NRL: variants seen among roughly 807,000 people sequenced by gnomAD.
The protein encoded by NRL is neural retina leucine zipper, also known as neural retina-specific leucine zipper protein.
A neutral mutation model predicts 12.5 loss-of-function variants in NRL; 16 were observed. That is an observed-to-expected ratio of 1.28 (90% CI 0.87 to 1.95). The LOEUF is 1.95. Ranked by LOEUF, NRL falls within the 30% of genes most tolerant of loss-of-function variation. The probability of loss-of-function intolerance (pLI) is 0.00; values close to 1 mark genes in which losing one functional copy is unlikely to be tolerated. For synonymous variants in NRL, 142 were observed against 150.9 expected (o/e 0.94, Z 0.43); for missense variants, 314 against 325.8 (o/e 0.96, Z 0.28).
rs113046985 is a variant in NRL at position 24,093,659 on chromosome 14, G to A, written c.-27-10784C>T. Among the ~76,000 whole-genome samples, 362 of 152,290 alleles carry A rather than the reference G, an allele frequency of 2.4e-3. 3 individuals carry two copies. The highest frequency in any genetic ancestry group is 8.4e-3 in the African/African-American group (351 of 41,550). On this transcript the variant is annotated intron_variant, in intron 1 of 2. Transcript: ENST00000561028. The stretch of plus-strand genomic sequence containing the variant: ...GCGCCACTGCACGCACTCCAGCCTG[G>A]GTGACAGAGTAAGACTCCGTCAGGG...
In NRL at chr14:24,094,733, C is replaced by G. The variant is rs1442994355; in HGVS notation, c.-27-11858G>C. 4.7e-6 allele frequency: 7 copies of G among 1,486,248 alleles called. No homozygotes were observed. In the South Asian group the frequency reaches 8.5e-5, roughly 18 times the overall value. The allele number at this position is 1,486,248 out of a possible 1,614,324, so 92.1% of individuals were successfully genotyped here. ...TCTCTCCTCGCTCCTCTCTGCTGAGCCAGGTCTCCGCATATCCTCCTTTCC... is the reference window on the plus strand; with the variant it reads ...TCTCTCCTCGCTCCTCTCTGCTGAGGCAGGTCTCCGCATATCCTCCTTTCC... On this transcript the variant is annotated intron_variant, in intron 1 of 2. Coordinates refer to ENST00000561028, the MANE Select transcript of NRL (RefSeq NM_001354768.3). The surrounding 1 kb of genome is among the most constrained non-coding windows in gnomAD (Gnocchi z 4.1).
rs896130232 is a variant in NRL at position 24,085,330 on chromosome 14, C to T, written c.-27-2455G>A. Among the ~76,000 whole-genome samples the T allele has an allele frequency of 1.3e-5, 2 of 152,170 alleles. No individual in the cohort carries two copies. Among genetic ancestry groups the T allele is most frequent in the Admixed American group, 6.5e-5 (1 of 15,280 alleles). ...CATTGAAATCTAATCACCACCAGTC[C>T]GTCGGAGACACTTTTGTAACTGGCC... On this transcript the variant is annotated intron_variant, in intron 1 of 2. Transcript: ENST00000561028. The surrounding 1 kb of genome is among the most constrained non-coding windows in gnomAD (Gnocchi z 4.1).
At position 24,082,346 on chromosome 14, in the gene NRL, C is replaced by T. The variant is rs1264974305; in HGVS notation, c.381+122G>A. The T allele has an allele frequency of 3.0e-5, 37 of 1,246,742 alleles. No homozygotes were observed. The East Asian group carries it at 5.1e-4, about 17-fold the overall frequency. The allele number at this position is 1,246,742 out of a possible 1,614,324, so 77.2% of individuals were successfully genotyped here. On this transcript the variant is annotated intron_variant, in intron 2 of 2. Coordinates refer to ENST00000561028, the MANE Select transcript of NRL (RefSeq NM_001354768.3). ...TGATTGCTTTCAAGGGACCTTCTCC[C>T]CTTCTCCTGCCCTCTGTCCCCTGTC...
chr14:24,109,555 G>A (rs978276840), intron 1 of NRL, among the ~76,000 whole-genome samples: 63 of 151,914 alleles, frequency 4.1e-4, no homozygotes, highest in Admixed American at 3.6e-3. Context: ...AAAATTAGCC[G>A]GGCATGGTGG....
chr14:24,095,367 G>A, intron 1 of NRL: 1 of 400,516 alleles, frequency 2.5e-6, no homozygotes, highest in Admixed American at 2.7e-5. Context: ...TCTGAGGCAG[G>A]AACAGACCCA....
At chr14:24,096,027 TGACCTTTGCTTG>T in intron 1 of NRL, among the ~76,000 whole-genome samples, 1 of 152,150 alleles carries the variant, frequency 6.6e-6, no homozygotes, top group Non-Finnish European at 1.5e-5. Context: ...GGAAAGACTG[TGACCTTTGCTTG>T]GGGCTTTCAT....
rs76932341 is a variant in NRL at position 24,085,553 on chromosome 14, C to A, written c.-27-2678G>T. The stretch of plus-strand genomic sequence containing the variant: ...GGAATTATCCAAGGAGATGTTTAAA[C>A]CTGTCCGAAGCTGTTTAAATAGGGT... On this transcript the variant is annotated intron_variant, in intron 1 of 2. Coordinates refer to ENST00000561028, the MANE Select transcript of NRL (RefSeq NM_001354768.3). The surrounding 1 kb of genome is among the most constrained non-coding windows in gnomAD (Gnocchi z 4.1). 2.3e-3 allele frequency among the ~76,000 whole-genome samples: 354 copies of A among 152,282 alleles called. 3 individuals carry two copies. Among genetic ancestry groups the A allele is most frequent in the African/African-American group, 8.3e-3 (344 of 41,534 alleles).
At chr14:24,100,035 G>C in intron 1 of NRL, 1 of 1,613,956 alleles carries the variant, frequency 6.2e-7, no homozygotes, top group African/African-American at 1.3e-5. Context: ...GCTTCTTTGG[G>C]GTTGCCCCTG....
At chr14:24,091,858 AG>A (rs1324256974) in intron 1 of NRL, among the ~76,000 whole-genome samples, 1 of 152,194 alleles carries the variant, frequency 6.6e-6, no homozygotes, top group Non-Finnish European at 1.5e-5. Flanking sequence ...AAAAAGCTTT[AG>A]AGCAGGAATG....
In NRL at chr14:24,081,842, C is replaced by T. The variant is rs778580269; in HGVS notation, c.382-274G>A. 5 of 1,403,640 alleles carry T rather than the reference C, an allele frequency of 3.6e-6. No individual in the cohort carries two copies. In the African/African-American group the frequency reaches 5.9e-5, roughly 17 times the overall value. 86.9% of individuals were successfully genotyped at this position (1,403,640 alleles called of 1,614,324 possible). A position where few individuals can be genotyped will look rare whatever the true frequency, so the allele number is the denominator to read the frequency against. On this transcript the variant is annotated intron_variant, in intron 2 of 2. Transcript: ENST00000561028. The surrounding 1 kb of genome is among the most constrained non-coding windows in gnomAD (Gnocchi z 4.4). ...AGGCGAGCCCGTCGCGCACCTAAAC[C>T]CCGGGCTCGTCTCTGGGATCCCCGG...
At position 24,079,295 on chromosome 14, in the gene NRL, T is replaced by C. The variant is rs1024499469; in HGVS notation, c.*1941A>G. Among the ~76,000 whole-genome samples the C allele has an allele frequency of 6.6e-6, 1 of 152,100 alleles. No homozygotes were observed. The highest frequency in any genetic ancestry group is 1.5e-5 in the Non-Finnish European group (1 of 68,026). ...AAAAGTAGTGGGTCTGAATTACAGC[T>C]CCAGGGCAGGCAAGGATAGACACAG... On this transcript the variant is annotated 3_prime_UTR_variant, in exon 3 of 3. Transcript: ENST00000561028.
intron 1 of NRL, among the ~76,000 whole-genome samples, chr14:24,088,439 G>A (rs1163383823): frequency 6.6e-6 from 1 of 152,238 alleles, no homozygotes; most frequent in Non-Finnish European, 1.5e-5. Flanking sequence ...GGTGTCAGGG[G>A]TAGGAGGCAA....
In NRL at chr14:24,081,666, GCCCCGGCTC is replaced by G. The variant is rs2036310866; in HGVS notation, c.382-107_382-99del. 87 of 1,530,178 alleles carry G rather than the reference GCCCCGGCTC, an allele frequency of 5.7e-5. 2 individuals are homozygous for G. The South Asian group carries it at 9.7e-4, about 17-fold the overall frequency. The allele number at this position is 1,530,178 out of a possible 1,614,324, so 94.8% of individuals were successfully genotyped here. On this transcript the variant is annotated intron_variant, in intron 2 of 2. Coordinates refer to ENST00000561028, the MANE Select transcript of NRL (RefSeq NM_001354768.3). This position sits in a 1 kb window ranked among gnomAD's most constrained non-coding sequence, Gnocchi z 4.4. ...CCTGGCTCCGCCCCGGGACAGCCCC[GCCCCGGCTC>G]CCACCTTCACCGGAAGGCTCGCCCT...
chr14:24,080,087 A>T lies in NRL; in HGVS notation c.*1149T>A, dbSNP rs1291723935. 6.6e-6 allele frequency: 1 copy of T among 152,242 alleles called. No homozygotes were observed. Among genetic ancestry groups the T allele is most frequent in the Non-Finnish European group, 1.5e-5 (1 of 68,062 alleles). The allele number at this position is 152,242 out of a possible 1,614,324, so 9.4% of individuals were successfully genotyped here. A position where few individuals can be genotyped will look rare whatever the true frequency, so the allele number is the denominator to read the frequency against. On this transcript the variant is annotated 3_prime_UTR_variant, in exon 3 of 3. Coordinates refer to ENST00000561028, the MANE Select transcript of NRL (RefSeq NM_001354768.3). Reference sequence around the variant, plus strand: ...CCCTCTCCCACACACAGACACACAAACAGTAGCCTGAAGCAGGGATAAAGA... The same window carrying T: ...CCCTCTCCCACACACAGACACACAATCAGTAGCCTGAAGCAGGGATAAAGA...
Position 24,082,878 on chromosome 14 carries a change from G to A in NRL, c.-27-3C>T, listed in dbSNP as rs1441659119. ...GAGCTGGGCTGGGAGGAGTGCACCT[G>A]CAAAGAGGAGGAGAGGTCTGGAGCA... On this transcript the variant is annotated splice_region_variant and splice_polypyrimidine_tract_variant and intron_variant, in intron 1 of 2. Transcript: ENST00000561028. 3 of 1,599,440 alleles carry A rather than the reference G, an allele frequency of 1.9e-6. No homozygotes were observed. The highest frequency in any genetic ancestry group is 2.6e-6 in the Non-Finnish European group (3 of 1,171,930).
intron 1 of NRL, chr14:24,099,908 CAG>C: frequency 1.2e-6 from 2 of 1,612,050 alleles, no homozygotes; most frequent in Non-Finnish European, 1.7e-6. Flanking sequence ...CATCTCAGGA[CAG>C]GGGTGGGTGG....
chr14:24,105,348 A>G lies in NRL; in HGVS notation c.-28+9374T>C, dbSNP rs2037320789. ...GTCATGGCCATCACAAACATGTCAC[A>G]GTGCTGCAGAGATTTTGCTTATGGC... On this transcript the variant is annotated intron_variant, in intron 1 of 2. Transcript: ENST00000561028. Among the ~76,000 whole-genome samples the G allele has an allele frequency of 5.3e-5, 8 of 152,240 alleles. No homozygotes were observed. In the South Asian group the frequency reaches 1.7e-3, roughly 32 times the overall value.
chr14:24,084,816 CT>C (rs1192014045), intron 1 of NRL: 1 of 649,792 alleles, frequency 1.5e-6, no homozygotes, highest in African/African-American at 2.0e-5. Context: ...AAGGGAGCAT[CT>C]TCCCCAACAA....
At position 24,081,497 on chromosome 14, in the gene NRL, G is replaced by A. The variant is rs1293079922; in HGVS notation, c.453C>T (p.Gly151=). Residue 151 remains glycine, a synonymous_variant, in exon 3 of 3, where the codon GGC becomes GGT. Coordinates refer to ENST00000561028, the MANE Select transcript of NRL (RefSeq NM_001354768.3). This position sits in a 1 kb window ranked among gnomAD's most constrained non-coding sequence, Gnocchi z 4.4. ...GCCGCAGCGCCTCGTCGCGCCCGCA[G>A]CCCCGCAGCTGCCGGTTTAGCTCCC... ...SVRELNRQLR[G]CGRDEALRLK... is the part of the protein sequence containing the mutation. 1.9e-6 allele frequency: 3 copies of A among 1,599,162 alleles called. No individual in the cohort carries two copies. The highest frequency in any genetic ancestry group is 2.7e-5 in the African/African-American group (2 of 74,748).
Sources: allele counts gnomAD v4.1 joint callset (sites outside exome capture counted in the v4.1 genomes callset), GRCh38; gene constraint gnomAD v4.1.1; non-coding constraint Gnocchi (gnomAD v3.1); transcripts MANE v1.5; gene names NCBI Gene and HGNC (gene_info 2026-07-23, HGNC 2026-07-21).